Variants in ANKIB1 observed in about 807,000 individuals in gnomAD.
The protein encoded by ANKIB1 is ankyrin repeat and IBR domain-containing protein 1.
Under a neutral mutation model 122.1 loss-of-function variants are expected in ANKIB1, and 43 were observed. The ratio of observed to expected loss-of-function variants is 0.35; its 90% confidence interval spans 0.28 to 0.45. ANKIB1 has a LOEUF of 0.45. Among genes scored for constraint, ANKIB1 ranks in the 20% least tolerant of loss-of-function variants. ANKIB1 has a pLI of 1.00. For synonymous variants in ANKIB1, 390 were observed against 442.0 expected (o/e 0.88, Z 1.48); for missense variants, 992 against 1,329.5 (o/e 0.75, Z 3.95).
intron 3 of ANKIB1, among the ~76,000 whole-genome samples, chr7:92,314,678 A>G (rs941925125): frequency 1.3e-5 from 2 of 152,318 alleles, no homozygotes; most frequent in Admixed American, 1.3e-4. Flanking sequence ...TATCTACCTA[A>G]TATGACTATC....
chr7:92,340,654 A>G (rs1440234341), intron 5 of ANKIB1, among the ~76,000 whole-genome samples: 2 of 152,248 alleles, frequency 1.3e-5, no homozygotes, highest in African/African-American at 4.8e-5. Context: ...ATATTAAAGT[A>G]TACTGGATTT....
chr7:92,388,874 A>T (rs1804724989), intron 14 of ANKIB1, among the ~76,000 whole-genome samples: 1 of 152,174 alleles, frequency 6.6e-6, no homozygotes, highest in Non-Finnish European at 1.5e-5. Context: ...CCTGCTTGTT[A>T]ATTATTAGTT....
At chr7:92,325,854 T>G (rs1449474781) in intron 4 of ANKIB1, 4 of 407,416 alleles carry the variant, frequency 9.8e-6, no homozygotes, top group African/African-American at 2.1e-5. Context: ...AGCAGTAGTA[T>G]GCACTAATGC....
chr7:92,266,118 A>T (rs1037076246), intron 1 of ANKIB1, among the ~76,000 whole-genome samples: 1 of 152,202 alleles, frequency 6.6e-6, no homozygotes, highest in Non-Finnish European at 1.5e-5. Context: ...GTGAGGTTGG[A>T]GGAAAGACAG....
rs1802589089 is a variant in ANKIB1, at chr7:92,307,565, A to G, written c.395A>G (p.Glu132Gly). ...KWKGAKLDQG[E>G]YERAAIDAVD... ...AAAGGAGCAAAACTTGACCAGGGTG[A>G]ATATGAGAGAGCAGCTATTGATGCT... Residue 132 changes from glutamate to glycine, a missense_variant, in exon 3 of 20, where the codon GAA becomes GGA. By Grantham distance (98) the Glu-to-Gly change is moderately conservative (BLOSUM62 -2). Around this residue, in one of 4 missense-constraint regions of ANKIB1, gnomAD observed 521 missense variants for 777.7 expected, o/e 0.67. Transcript: ENST00000265742. 1.2e-6 allele frequency: 2 copies of G among 1,613,716 alleles called. No individual in the cohort carries two copies.
At chr7:92,344,206 T>G (rs1486522589) in intron 6 of ANKIB1, among the ~76,000 whole-genome samples, 58 of 64,264 alleles carry the variant, frequency 9.0e-4, no homozygotes, top group African/African-American at 2.7e-3. Context: ...TTTTTTTTTT[T>G]TTTTTTTTTT....
At chr7:92,280,140 GTTC>G (rs1210743045) in intron 1 of ANKIB1, among the ~76,000 whole-genome samples, 1 of 152,160 alleles carries the variant, frequency 6.6e-6, no homozygotes, top group African/African-American at 2.4e-5. Context: ...CCCATTAACT[GTTC>G]TTCTTTTCAG....
intron 1 of ANKIB1, among the ~76,000 whole-genome samples, chr7:92,271,707 C>G (rs1801797486): frequency 6.6e-6 from 1 of 152,100 alleles, no homozygotes; most frequent in Non-Finnish European, 1.5e-5. Context: ...AATATGATAG[C>G]AGGAATCTAG....
chr7:92,341,218 G>A (rs1047159822), intron 5 of ANKIB1, among the ~76,000 whole-genome samples: 3 of 151,354 alleles, frequency 2.0e-5, no homozygotes, highest in Non-Finnish European at 4.4e-5. Context: ...GCTGAGGCAC[G>A]AGAATCTCTT....
At chr7:92,342,662 A>G (rs966714186) in intron 5 of ANKIB1, among the ~76,000 whole-genome samples, 3 of 152,226 alleles carry the variant, frequency 2.0e-5, no homozygotes, top group Non-Finnish European at 4.4e-5. Context: ...TTAAAAAATT[A>G]TATATACTTT....
At chr7:92,323,674 CA>C (rs1490330960) in intron 4 of ANKIB1, among the ~76,000 whole-genome samples, 3 of 151,976 alleles carry the variant, frequency 2.0e-5, no homozygotes, top group Non-Finnish European at 4.4e-5. Flanking sequence ...TTGTAATAGC[CA>C]AAAGGTGAAA....
chr7:92,252,334 T>G (rs1801344787), intron 1 of ANKIB1, among the ~76,000 whole-genome samples: 1 of 152,140 alleles, frequency 6.6e-6, no homozygotes, highest in Non-Finnish European at 1.5e-5. Flanking sequence ...AATAATATTT[T>G]TTCTGTTATT....
chr7:92,274,579 G>A (rs1015942567), intron 1 of ANKIB1, among the ~76,000 whole-genome samples: 3 of 151,552 alleles, frequency 2.0e-5, no homozygotes, highest in African/African-American at 7.3e-5. Context: ...AAAAAAAAAA[G>A]CAATGTTTCA....
chr7:92,345,139 T>A (rs1166546663), intron 7 of ANKIB1, 73 bp downstream of exon 7: 3 of 1,144,450 alleles, frequency 2.6e-6, no homozygotes, highest in Non-Finnish European at 3.9e-6. Context: ...TTGTTTGCTT[T>A]CAGTATTTAA....
intron 11 of ANKIB1, among the ~76,000 whole-genome samples, chr7:92,377,988 G>GAGT (rs1017707524): frequency 2.0e-5 from 3 of 151,928 alleles, no homozygotes. Flanking sequence ...TTTATAAAGT[G>GAGT]AGTAGAACCT....
chr7:92,284,457 G>A (rs1247844259), intron 1 of ANKIB1, among the ~76,000 whole-genome samples: 1 of 152,122 alleles, frequency 6.6e-6, no homozygotes, highest in African/African-American at 2.4e-5. Context: ...TCATCTTACT[G>A]TAATACTTTC....
At chr7:92,379,169 T>A (rs1804454125) in intron 11 of ANKIB1, among the ~76,000 whole-genome samples, 1 of 152,182 alleles carries the variant, frequency 6.6e-6, no homozygotes, top group South Asian at 2.1e-4. Context: ...GACAGGCAGA[T>A]CACAAGGTCA....
rs186136505 is a variant in ANKIB1 at position 92,335,431 on chromosome 7, A to G, written c.787+7531A>G. Among the ~76,000 whole-genome samples, 3 of 151,968 alleles carry G rather than the reference A, an allele frequency of 2.0e-5. No homozygotes were observed. In the East Asian group the frequency reaches 5.8e-4, roughly 29 times the overall value. ...TCTTTAAATTGTACTTGTTTTTACTAATAAAAATTAAAGACTAGTTCCATC... is the reference window on the plus strand; with the variant it reads ...TCTTTAAATTGTACTTGTTTTTACTGATAAAAATTAAAGACTAGTTCCATC... On this transcript the variant is annotated intron_variant, in intron 5 of 19. Transcript: ENST00000265742.
intron 1 of ANKIB1, among the ~76,000 whole-genome samples, chr7:92,278,283 T>A (rs1329420639): frequency 6.6e-6 from 1 of 152,090 alleles, no homozygotes; most frequent in East Asian, 1.9e-4. Context: ...AAGAATTTTT[T>A]AAAAAAGGAA....
Sources: gnomAD v4.1 joint callset for allele counts (sites outside exome capture counted in the v4.1 genomes callset) on GRCh38, gnomAD v4.1.1 for gene constraint, gnomAD v4.1.1 regional missense constraint, MANE v1.5 for transcripts, NCBI Gene and HGNC (gene_info 2026-07-23, HGNC 2026-07-21) for gene names.